The following TOGARAM2 variants were observed in gnomAD, a reference collection of about 807,000 sequenced individuals.
TOGARAM2 encodes TOG array regulator of axonemal microtubules 2, also known as TOG array regulator of axonemal microtubules protein 2.
In TOGARAM2, 85 loss-of-function variants were observed where a neutral mutation model predicts 93.3. The observed-to-expected ratio is 0.91, with a 90% CI of 0.76 to 1.09. The LOEUF (loss-of-function observed/expected upper bound fraction) is 1.09, where lower values mean the gene tolerates loss of function less well. Among genes scored for constraint, TOGARAM2 ranks in the 50% least tolerant of loss-of-function variants. TOGARAM2 has a pLI of 0.00. For synonymous variants in TOGARAM2, 593 were observed against 552.8 expected, an observed-to-expected ratio of 1.07 and a Z score of -1.02; for missense variants, 1,277 against 1,334.5, an observed-to-expected ratio of 0.96 and a Z score of 0.67.
rs529184242 is a variant in TOGARAM2, at chr2:29,009,430, C to T, written c.831-2025C>T. On this transcript the variant is annotated intron_variant, in intron 6 of 19. Coordinates refer to ENST00000379558, the MANE Select transcript of TOGARAM2 (RefSeq NM_199280.4). ...TTGGCAACCTCAGAGTGGCATGGAC[C>T]GTGTAGATGGAGGTGGGGCTGCTGC... Among the ~76,000 whole-genome samples, 31 of 150,510 alleles carry T rather than the reference C, an allele frequency of 2.1e-4. 1 individual carries two copies. Among genetic ancestry groups the T allele is most frequent in the Non-Finnish European group, 3.2e-4 (22 of 67,710 alleles).
chr2:28,997,160 A>G (rs1673032407), intron 2 of TOGARAM2, among the ~76,000 whole-genome samples: 1 of 152,370 alleles, frequency 6.6e-6, no homozygotes, highest in South Asian at 2.1e-4. Context: ...GAAACAGTCA[A>G]TAGAGTGAAG....
chr2:29,010,754 T>C (rs1664196316), intron 6 of TOGARAM2, among the ~76,000 whole-genome samples: 2 of 152,112 alleles, frequency 1.3e-5, no homozygotes, highest in Admixed American at 1.3e-4. Flanking sequence ...GTCTTATTGA[T>C]GCTCCATTCC....
intron 1 of TOGARAM2, among the ~76,000 whole-genome samples, chr2:28,983,177 A>AATATATATATATATAT (rs1553334840): frequency 3.1e-4 from 10 of 32,390 alleles, no homozygotes; most frequent in African/African-American, 1.1e-3. Context: ...TGTATATATA[A>AATATATATATATATAT]ATATATATAT....
chr2:28,991,155 C>A (rs980852003), intron 1 of TOGARAM2, among the ~76,000 whole-genome samples: 2 of 152,064 alleles, frequency 1.3e-5, no homozygotes, highest in Middle Eastern at 3.4e-3. Flanking sequence ...CTAACAAAAC[C>A]CCTTGTTAGG....
intron 1 of TOGARAM2, among the ~76,000 whole-genome samples, chr2:28,957,235 G>C (rs912460646): frequency 2.0e-5 from 3 of 151,954 alleles, no homozygotes; most frequent in African/African-American, 7.3e-5. Context: ...TGCTCTTGTT[G>C]CCCAGTATGG....
At chr2:28,973,882 T>G (rs532741549) in intron 1 of TOGARAM2, among the ~76,000 whole-genome samples, 10 of 152,256 alleles carry the variant, frequency 6.6e-5, no homozygotes, top group African/African-American at 2.2e-4. Flanking sequence ...TCTCTTAGTT[T>G]TCTTTATCTA....
chr2:29,035,223 C>G (rs1048982286), intron 16 of TOGARAM2, among the ~76,000 whole-genome samples: 1 of 152,054 alleles, frequency 6.6e-6, no homozygotes, highest in African/African-American at 2.4e-5. Flanking sequence ...CTGACTTCCC[C>G]CATTGCTTAC....
chr2:28,988,175 C>T (rs1200002483), intron 1 of TOGARAM2, among the ~76,000 whole-genome samples: 2 of 152,192 alleles, frequency 1.3e-5, no homozygotes, highest in Non-Finnish European at 2.9e-5. Context: ...ATTGAAATCA[C>T]AAGGGTAGGT....
intron 1 of TOGARAM2, among the ~76,000 whole-genome samples, chr2:28,964,894 G>T (rs894882392): frequency 9.2e-5 from 14 of 152,148 alleles, no homozygotes; most frequent in African/African-American, 3.1e-4. Context: ...TATCACGGAT[G>T]GGCATTTGGG....
At chr2:28,966,348 A>G (rs1361886788) in intron 1 of TOGARAM2, among the ~76,000 whole-genome samples, 2 of 151,688 alleles carry the variant, frequency 1.3e-5, no homozygotes, top group African/African-American at 4.8e-5. Context: ...ACCAGGCTGG[A>G]GTTCAGTGGT....
chr2:28,980,825 C>T (rs1460351461), upstream of TOGARAM2, among the ~76,000 whole-genome samples: 3 of 152,178 alleles, frequency 2.0e-5, no homozygotes, highest in Admixed American at 6.5e-5. Flanking sequence ...TTACAGCAAC[C>T]CTATCAAGTC....
rs752509820 is a variant in TOGARAM2 at position 28,992,698 on chromosome 2, C to T, written c.-110-2027C>T. Among the ~76,000 whole-genome samples, 6 of 152,058 alleles carry T rather than the reference C, an allele frequency of 3.9e-5. 1 individual carries two copies. The highest frequency in any genetic ancestry group is 1.3e-4 in the Admixed American group (2 of 15,252). On this transcript the variant is annotated intron_variant, in intron 1 of 19. Transcript: ENST00000379558. ...GACAGCCTAGGGTAAGAAATAGGGC[C>T]GAGATCTTATTATAAAGTGAATCTG...
intron 15 of TOGARAM2, 143 bp downstream of exon 15, chr2:29,033,194 T>C (rs965697434): frequency 4.1e-6 from 3 of 728,300 alleles, no homozygotes; most frequent in African/African-American, 3.5e-5. Context: ...ATAGGTGAGA[T>C]AGATGTGATT....
At chr2:29,035,439 T>C in intron 16 of TOGARAM2, 25 bp from the exon 17 acceptor site, 1 of 1,324,646 alleles carries the variant, frequency 7.5e-7, no homozygotes, top group Non-Finnish European at 9.7e-7. Context: ...CCCTGGGGGG[T>C]TCAGACGCCA....
intron 16 of TOGARAM2, among the ~76,000 whole-genome samples, chr2:29,034,232 A>G (rs920315587): frequency 1.3e-5 from 2 of 152,170 alleles, no homozygotes; most frequent in African/African-American, 4.8e-5. Context: ...GCTGGTATTC[A>G]TGCCCCTCCA....
intron 6 of TOGARAM2, among the ~76,000 whole-genome samples, chr2:29,010,245 C>A (rs1664154549): frequency 6.6e-6 from 1 of 152,158 alleles, no homozygotes; most frequent in Admixed American, 6.5e-5. Flanking sequence ...CTCCAATCCT[C>A]TTAGTGCCGT....
intron 14 of TOGARAM2, among the ~76,000 whole-genome samples, chr2:29,029,298 C>CACACAG (rs1558453531): frequency 6.6e-6 from 1 of 151,164 alleles, no homozygotes; most frequent in Non-Finnish European, 1.5e-5. Context: ...CACACACACA[C>CACACAG]TGGAATACTT....
chr2:29,036,740 C>A lies in TOGARAM2; in HGVS notation c.2618C>A (p.Ala873Glu), dbSNP rs150485801. The change falls in exon 18 of 20, where the codon GCG becomes GAG. Residue 873 changes from alanine (A) to glutamate (E), a missense_variant. Physicochemically the swap from Ala to Glu is moderately radical, Grantham distance 107. Coordinates refer to ENST00000379558, the MANE Select transcript of TOGARAM2 (RefSeq NM_199280.4). Reference sequence around the variant, plus strand: ...GCTGCTGCCGTGGCTGTGCTGGATGCGATGGTTGAGAGCCTGGGTGAGTGT... The same window carrying A: ...GCTGCTGCCGTGGCTGTGCTGGATGAGATGGTTGAGAGCCTGGGTGAGTGT... ...IYAAAVAVLD[A>E]MVESLDNLCL... 3.7e-6 allele frequency: 6 copies of A among 1,613,130 alleles called. No individual in the cohort carries two copies. The highest frequency in any genetic ancestry group is 3.3e-5 in the Admixed American group (2 of 59,898).
chr2:28,975,175 TA>T (rs749738662), intron 1 of TOGARAM2, among the ~76,000 whole-genome samples: 27 of 152,038 alleles, frequency 1.8e-4, no homozygotes, highest in Non-Finnish European at 3.2e-4. Flanking sequence ...TGAGACGTTT[TA>T]TTTTTTTAAT....
Sources: gnomAD v4.1 joint callset for allele counts (sites outside exome capture counted in the v4.1 genomes callset) on GRCh38, gnomAD v4.1.1 for gene constraint, MANE v1.5 for transcripts, NCBI Gene and HGNC (gene_info 2026-07-23, HGNC 2026-07-21) for gene names.